TMEM163: variants seen among roughly 807,000 people sequenced by gnomAD.
The protein encoded by TMEM163 is transmembrane protein 163.
Under a neutral mutation model 29.3 loss-of-function variants are expected in TMEM163, and 17 were observed. The ratio of observed to expected loss-of-function variants is 0.58; its 90% confidence interval spans 0.40 to 0.87. The LOEUF is 0.87. Ranked by LOEUF, TMEM163 falls within the 40% of genes least tolerant of loss-of-function variation. The pLI is 0.00. For missense variants in TMEM163, 303 were observed against 381.5 expected (o/e 0.79, Z 1.71); for synonymous variants, 157 against 160.6 (o/e 0.98, Z 0.17).
intron 2 of TMEM163, among the ~76,000 whole-genome samples, chr2:134,612,542 AACACACACACACAC>A (rs3039625): frequency 1.4e-5 from 2 of 140,568 alleles, no homozygotes; most frequent in Admixed American, 7.1e-5. Context: ...GGTTTGCCCC[AACACACACACACAC>A]ACACACACAC....
chr2:134,495,890 C>T (rs922131835), intron 5 of TMEM163, among the ~76,000 whole-genome samples: 5 of 152,162 alleles, frequency 3.3e-5, no homozygotes, highest in African/African-American at 1.2e-4. Context: ...TGCTTTTCTT[C>T]TATTTCTGTT....
At chr2:134,513,704 G>A (rs932283252) in intron 4 of TMEM163, among the ~76,000 whole-genome samples, 1 of 152,146 alleles carries the variant, frequency 6.6e-6, no homozygotes, top group Non-Finnish European at 1.5e-5. Flanking sequence ...TGGGTAATGG[G>A]CCTCAATGCT....
intron 4 of TMEM163, among the ~76,000 whole-genome samples, chr2:134,523,752 AG>A (rs1360285359): frequency 6.6e-6 from 1 of 152,166 alleles, no homozygotes; most frequent in Admixed American, 6.5e-5. Flanking sequence ...GGAAGTGGGG[AG>A]GGGTCCTGAA....
At chr2:134,625,982 T>A (rs528279178) in intron 2 of TMEM163, among the ~76,000 whole-genome samples, 32 of 152,090 alleles carry the variant, frequency 2.1e-4, no homozygotes, top group African/African-American at 7.7e-4. Context: ...CAAAGCAGAA[T>A]TATTAGTTTA....
intron 6 of TMEM163, among the ~76,000 whole-genome samples, chr2:134,463,108 T>C (rs1686587470): frequency 6.6e-6 from 1 of 152,166 alleles, no homozygotes; most frequent in African/African-American, 2.4e-5. Context: ...TCCCTCCTGT[T>C]CCAGGTGAGG....
intron 5 of TMEM163, chr2:134,466,926 A>G (rs751429137): frequency 1.3e-5 from 2 of 152,194 alleles, no homozygotes; most frequent in African/African-American, 4.8e-5. Flanking sequence ...TCAAGCTCCC[A>G]TGTGTCACCC....
At chr2:134,475,990 G>A (rs1686904252) in intron 5 of TMEM163, among the ~76,000 whole-genome samples, 1 of 152,190 alleles carries the variant, frequency 6.6e-6, no homozygotes, top group African/African-American at 2.4e-5. Context: ...CAAGAGAAAT[G>A]AAGGCATACG....
intron 4 of TMEM163, among the ~76,000 whole-genome samples, chr2:134,518,530 C>A (rs970936269): frequency 6.6e-6 from 1 of 152,174 alleles, no homozygotes; most frequent in African/African-American, 2.4e-5. Flanking sequence ...AAGGCCATCC[C>A]GGAGTCAAGA....
At chr2:134,496,298 G>A (rs1679558861) in intron 5 of TMEM163, among the ~76,000 whole-genome samples, 1 of 152,132 alleles carries the variant, frequency 6.6e-6, no homozygotes, top group South Asian at 2.1e-4. Flanking sequence ...CTGACCTCAA[G>A]TGATCTGCCC....
intron 2 of TMEM163, among the ~76,000 whole-genome samples, chr2:134,588,276 A>C (rs1219143581): frequency 6.6e-6 from 1 of 152,232 alleles, no homozygotes; most frequent in Non-Finnish European, 1.5e-5. Context: ...AAAAGAAAAC[A>C]GTGAGTCAGA....
intron 6 of TMEM163, among the ~76,000 whole-genome samples, chr2:134,463,968 C>T (rs1686606958): frequency 6.6e-6 from 1 of 152,234 alleles, no homozygotes; most frequent in African/African-American, 2.4e-5. Context: ...CTGCCTGTTG[C>T]ACATGAGGGG....
intron 5 of TMEM163, among the ~76,000 whole-genome samples, chr2:134,491,308 T>C (rs1226510946): frequency 6.6e-6 from 1 of 152,164 alleles, no homozygotes; most frequent in Non-Finnish European, 1.5e-5. Context: ...CTATTTTTCT[T>C]TCCCTAACCC....
intron 2 of TMEM163, among the ~76,000 whole-genome samples, chr2:134,585,157 G>A (rs1438006418): frequency 2.0e-5 from 3 of 152,178 alleles, no homozygotes; most frequent in Non-Finnish European, 4.4e-5. Context: ...GAAAGAGATG[G>A]CAACCTCGTC....
Position 134,713,280 on chromosome 2 carries a change from G to A in TMEM163, c.242C>T (p.Ala81Val). Reference protein sequence around the residue: ...ESSTRLKPHEAQNYRKKALWV... With the variant: ...ESSTRLKPHEVQNYRKKALWV... Reference sequence around the variant, plus strand: ...CAATGCCTTCTTCCTGTAGTTCTGGGCTTCGTGAGGTTTCAGGCGGGTGCT... The same window carrying A: ...CAATGCCTTCTTCCTGTAGTTCTGGACTTCGTGAGGTTTCAGGCGGGTGCT... The change falls in exon 2 of 8, where the codon GCC becomes GTC. Residue 81 changes from alanine to valine, a missense_variant. Ala to Val is a moderately conservative substitution (Grantham distance 64). Transcript: ENST00000281924. 1 of 1,614,114 alleles carries A rather than the reference G, an allele frequency of 6.2e-7. No individual in the cohort carries two copies. Among genetic ancestry groups the A allele is most frequent in the Non-Finnish European group, 8.5e-7 (1 of 1,180,016 alleles).
intron 4 of TMEM163, among the ~76,000 whole-genome samples, chr2:134,538,979 T>C (rs1346832630): frequency 6.6e-6 from 1 of 152,162 alleles, no homozygotes; most frequent in Non-Finnish European, 1.5e-5. Flanking sequence ...GGTGACAGTA[T>C]GCTATGTGAT....
At position 134,550,579 on chromosome 2, in the gene TMEM163, C is replaced by T. The variant is rs754423131; in HGVS notation, c.449G>A (p.Arg150Lys). 6.2e-7 allele frequency: 1 copy of T among 1,614,086 alleles called. No homozygotes were observed. Among genetic ancestry groups the T allele is most frequent in the South Asian group, 1.1e-5 (1 of 91,078 alleles). ...SNAAAVHSAH[R>K]EYIACVILGV... ...ACAAGAATCTACTTACATGTACTCC[C>T]TATGGGCAGAGTGCACAGCGGCCGC... is the stretch of plus-strand genomic sequence containing the variant. The change falls in exon 4 of 8, where the codon AGG (arginine) becomes AAG (lysine). Residue 150 changes from arginine (R) to lysine (K), a missense_variant. Physicochemically the swap from Arg to Lys is conservative, Grantham distance 26 (BLOSUM62 2). Transcript: ENST00000281924.
chr2:134,682,903 G>A (rs1684277356), intron 2 of TMEM163, among the ~76,000 whole-genome samples: 1 of 152,174 alleles, frequency 6.6e-6, no homozygotes, highest in Non-Finnish European at 1.5e-5. Flanking sequence ...GATAAACTTT[G>A]CTACATCCAG....
intron 4 of TMEM163, among the ~76,000 whole-genome samples, chr2:134,535,724 T>TG (rs1558937181): frequency 2.0e-5 from 3 of 148,630 alleles, no homozygotes; most frequent in Non-Finnish European, 4.4e-5. Context: ...ATGGTTTTTT[T>TG]TTTTGTTTGT....
intron 2 of TMEM163, among the ~76,000 whole-genome samples, chr2:134,615,443 T>C (rs1016932680): frequency 6.6e-6 from 1 of 152,184 alleles, no homozygotes; most frequent in African/African-American, 2.4e-5. Context: ...ACGAAACCCA[T>C]AGCAGCAGAC....
Sources: gnomAD v4.1 joint callset for allele counts (sites outside exome capture counted in the v4.1 genomes callset) on GRCh38, gnomAD v4.1.1 for gene constraint, MANE v1.5 for transcripts, NCBI Gene and HGNC (gene_info 2026-07-23, HGNC 2026-07-21) for gene names.